The following KIF13A variants were observed in gnomAD, a reference collection of about 807,000 sequenced individuals.
KIF13A encodes the protein kinesin family member 13A, also known as kinesin-like protein KIF13A.
Under a neutral mutation model 212.2 loss-of-function variants are expected in KIF13A, and 79 were observed. The observed-to-expected ratio is 0.37, with a 90% CI of 0.31 to 0.45. The LOEUF is 0.45. Ranked by LOEUF, KIF13A falls within the 20% of genes least tolerant of loss-of-function variation. The pLI, the probability that KIF13A is intolerant of heterozygous loss-of-function variation, is 1.00. For synonymous variants in KIF13A, 789 were observed against 808.6 expected, an observed-to-expected ratio of 0.98 and a Z score of 0.41; for missense variants, 1,901 against 2,209.0, an observed-to-expected ratio of 0.86 and a Z score of 2.79.
intron 2 of KIF13A, among the ~76,000 whole-genome samples, chr6:17,957,164 G>T (rs1032797443): frequency 3.9e-5 from 6 of 152,164 alleles, no homozygotes; most frequent in African/African-American, 1.4e-4. Flanking sequence ...TTACAAGTGT[G>T]AGCCATCGCA....
At chr6:17,927,247 CAA>C (rs1393498455) in intron 2 of KIF13A, among the ~76,000 whole-genome samples, 2 of 152,014 alleles carry the variant, frequency 1.3e-5, no homozygotes, top group Admixed American at 6.5e-5. Context: ...TGACAACAGT[CAA>C]AAGGTGGAAA....
downstream of KIF13A, chr6:17,760,810 C>A (rs146219124): frequency 1.5e-4 from 248 of 1,605,428 alleles, no homozygotes; most frequent in Admixed American, 1.8e-3. Flanking sequence ...GGTGACCAGG[C>A]GAACAAAGAC....
At chr6:17,905,256 G>C (rs893482280) in intron 2 of KIF13A, among the ~76,000 whole-genome samples, 3 of 152,208 alleles carry the variant, frequency 2.0e-5, no homozygotes, top group African/African-American at 7.2e-5. Flanking sequence ...CCTGTTCTAA[G>C]TATTCTCCTA....
chr6:17,808,484 G>A (rs553912429), intron 18 of KIF13A, among the ~76,000 whole-genome samples: 1 of 152,126 alleles, frequency 6.6e-6, no homozygotes, highest in South Asian at 2.1e-4. Flanking sequence ...AAAAAAAGCA[G>A]GCAAAATACA....
intron 2 of KIF13A, among the ~76,000 whole-genome samples, chr6:17,959,979 G>A (rs960927008): frequency 2.0e-5 from 3 of 150,656 alleles, no homozygotes; most frequent in Admixed American, 6.6e-5. Context: ...CCGAGATCGC[G>A]CCATTCCACT....
chr6:17,782,852 G>A (rs1760724129), intron 29 of KIF13A, among the ~76,000 whole-genome samples: 1 of 152,072 alleles, frequency 6.6e-6, no homozygotes, highest in Admixed American at 6.5e-5. Context: ...TATGGGGTTC[G>A]CCCCTCACAA....
intron 2 of KIF13A, among the ~76,000 whole-genome samples, chr6:17,902,752 C>T (rs1773158929): frequency 6.6e-6 from 1 of 152,172 alleles, no homozygotes. Context: ...TATTGGCACA[C>T]ATAAAGTTCT....
intron 2 of KIF13A, among the ~76,000 whole-genome samples, chr6:17,931,481 C>T (rs1775982202): frequency 6.6e-6 from 1 of 152,074 alleles, no homozygotes; most frequent in Non-Finnish European, 1.5e-5. Flanking sequence ...CCTAAAAACT[C>T]ACATGTTGGG....
At chr6:17,853,848 G>T (rs1211560091) in intron 6 of KIF13A, among the ~76,000 whole-genome samples, 2 of 152,094 alleles carry the variant, frequency 1.3e-5, no homozygotes, top group Non-Finnish European at 2.9e-5. Context: ...GTAGAAAATG[G>T]ATCCAAGGGG....
intron 2 of KIF13A, among the ~76,000 whole-genome samples, chr6:17,969,309 A>T (rs979926837): frequency 6.6e-6 from 1 of 152,134 alleles, no homozygotes; most frequent in Non-Finnish European, 1.5e-5. Flanking sequence ...TCCAATCGTG[A>T]TATCTTCTGC....
intron 2 of KIF13A, among the ~76,000 whole-genome samples, chr6:17,927,849 C>T (rs1349015420): frequency 6.6e-6 from 1 of 152,220 alleles, no homozygotes; most frequent in Non-Finnish European, 1.5e-5. Context: ...GCAACTTCCA[C>T]CTGGCAGGCC....
chr6:17,822,442 T>C (rs1764542689), intron 16 of KIF13A, among the ~76,000 whole-genome samples: 2 of 152,220 alleles, frequency 1.3e-5, no homozygotes, highest in African/African-American at 4.8e-5. Flanking sequence ...ACCAGGCCAC[T>C]GATGACTCCA....
chr6:17,852,052 G>A lies in KIF13A; in HGVS notation c.495-10C>T. ...AAGAGACTGTCTACTCCTGCGGGAG[G>A]GAGGAAAAAGGAATAAATGAATCAC... On this transcript the variant is annotated splice_polypyrimidine_tract_variant and intron_variant, in intron 6 of 38. Transcript: ENST00000259711. The A allele has an allele frequency of 7.2e-7, 1 of 1,392,582 alleles. No homozygotes were observed. Among genetic ancestry groups the A allele is most frequent in the Non-Finnish European group, 9.6e-7 (1 of 1,047,112 alleles). 86.3% of individuals were successfully genotyped at this position (1,392,582 alleles called of 1,614,324 possible). A position where few individuals can be genotyped will look rare whatever the true frequency, so the allele number is the denominator to read the frequency against.
rs772066553 is a variant in KIF13A, at chr6:17,786,252, C to T, written c.3362-611G>A. ...CTTGCTGGAAGGATCAAATGAAATA[C>T]GGATGTGACACTGCTTTATAGAACT... is the stretch of plus-strand genomic sequence containing the variant. On this transcript the variant is annotated intron_variant, in intron 27 of 38. Coordinates refer to ENST00000259711, the MANE Select transcript of KIF13A (RefSeq NM_022113.6). This position sits in a 1 kb window ranked among gnomAD's most constrained non-coding sequence, Gnocchi z 5.4. 8.5e-5 allele frequency among the ~76,000 whole-genome samples: 13 copies of T among 152,064 alleles called. No individual in the cohort carries two copies. The highest frequency in any genetic ancestry group is 2.1e-4 in the South Asian group (1 of 4,820).
At position 17,912,139 on chromosome 6, in the gene KIF13A, G is replaced by C. The variant is rs1774128666; in HGVS notation, c.147-13959C>G. ...TTTGTAATATAAAGGATAAATGCTT[G>C]AGGGGATGGATACCCCATTCTCCAT... On this transcript the variant is annotated intron_variant, in intron 2 of 38. Coordinates refer to ENST00000259711, the MANE Select transcript of KIF13A (RefSeq NM_022113.6). This position sits in a 1 kb window ranked among gnomAD's most constrained non-coding sequence, Gnocchi z 4.2. 6.6e-6 allele frequency among the ~76,000 whole-genome samples: 1 copy of C among 152,142 alleles called. No homozygotes were observed. The highest frequency in any genetic ancestry group is 2.1e-4 in the South Asian group (1 of 4,824).
chr6:17,875,602 G>A (rs908729045), intron 3 of KIF13A, among the ~76,000 whole-genome samples: 90 of 151,780 alleles, frequency 5.9e-4, no homozygotes, highest in African/African-American at 1.8e-3. Context: ...CTACAGGCAC[G>A]CACCACTATG....
chr6:17,784,746 G>A (rs1760902229), intron 28 of KIF13A, among the ~76,000 whole-genome samples: 1 of 152,134 alleles, frequency 6.6e-6, no homozygotes, highest in African/African-American at 2.4e-5. Context: ...AGAAGTGGCT[G>A]GCAGAATTAC....
intron 2 of KIF13A, among the ~76,000 whole-genome samples, chr6:17,965,443 C>A (rs576218335): frequency 3.9e-5 from 6 of 152,272 alleles, no homozygotes; most frequent in Admixed American, 6.5e-5. Context: ...ATTTTAATAA[C>A]CAGTATTTCA....
intron 2 of KIF13A, among the ~76,000 whole-genome samples, chr6:17,981,048 C>G (rs1781026039): frequency 6.7e-6 from 1 of 149,642 alleles, no homozygotes; most frequent in Admixed American, 6.6e-5. Context: ...TTAAACACAG[C>G]CTTTATAAAT....
Sources: gnomAD v4.1 joint callset for allele counts (sites outside exome capture counted in the v4.1 genomes callset) on GRCh38, gnomAD v4.1.1 for gene constraint, Gnocchi (gnomAD v3.1) non-coding constraint, MANE v1.5 for transcripts, NCBI Gene and HGNC (gene_info 2026-07-23, HGNC 2026-07-21) for gene names.